TTC28: variants seen among roughly 807,000 people sequenced by gnomAD.
The protein encoded by TTC28 is tetratricopeptide repeat domain 28, also known as tetratricopeptide repeat protein 28.
In TTC28, 61 loss-of-function variants were observed where a neutral mutation model predicts 198.0. The observed-to-expected ratio is 0.31, with a 90% CI of 0.25 to 0.38. The LOEUF (loss-of-function observed/expected upper bound fraction) is 0.38. Ranked by LOEUF, TTC28 falls within the 10% of genes least tolerant of loss-of-function variation. The pLI, the probability that TTC28 is intolerant of heterozygous loss-of-function variation, is 1.00. For synonymous variants in TTC28, 1,171 were observed against 1,297.8 expected, an observed-to-expected ratio of 0.90 and a Z score of 2.10; for missense variants, 2,678 against 3,164.0, an observed-to-expected ratio of 0.85 and a Z score of 3.69.
intron 10 of TTC28, 131 bp from the exon 11 acceptor site, chr22:28,096,539 A>C: frequency 1.1e-6 from 1 of 935,968 alleles, no homozygotes; most frequent in Non-Finnish European, 1.6e-6. Flanking sequence ...ACAGAATCTC[A>C]GTCACACTGC....
chr22:28,669,744 G>T (rs938409116), intron 1 of TTC28, among the ~76,000 whole-genome samples: 1 of 152,024 alleles, frequency 6.6e-6, no homozygotes. Flanking sequence ...TCACAAAAAC[G>T]TTCTTATCTA....
chr22:28,167,911 T>C (rs996988093), intron 5 of TTC28, among the ~76,000 whole-genome samples: 1 of 152,204 alleles, frequency 6.6e-6, no homozygotes, highest in Non-Finnish European at 1.5e-5. Context: ...TGATTGTATA[T>C]CTAGAAAACC....
chr22:28,408,110 T>G (rs1430825876), intron 2 of TTC28, among the ~76,000 whole-genome samples: 2 of 152,138 alleles, frequency 1.3e-5, no homozygotes, highest in Non-Finnish European at 1.5e-5. Context: ...AGAGTAGACT[T>G]AATTAATAAG....
At chr22:28,353,685 A>T (rs146363990) in intron 2 of TTC28, among the ~76,000 whole-genome samples, 6 of 152,216 alleles carry the variant, frequency 3.9e-5, no homozygotes, top group Non-Finnish European at 7.3e-5. Context: ...CTTATACTAT[A>T]TATAAAAACT....
chr22:28,089,517 G>A (rs1454193804), intron 12 of TTC28, among the ~76,000 whole-genome samples: 1 of 150,796 alleles, frequency 6.6e-6, no homozygotes, highest in East Asian at 2.0e-4. Flanking sequence ...ACTGTTGTGG[G>A]GTGGGGGGAT....
At chr22:28,393,017 T>C (rs1307067689) in intron 2 of TTC28, among the ~76,000 whole-genome samples, 2 of 151,760 alleles carry the variant, frequency 1.3e-5, no homozygotes, top group African/African-American at 2.4e-5. Context: ...GCTGGGACCA[T>C]AGGTGCAAAC....
chr22:28,163,524 G>A lies in TTC28; in HGVS notation c.1009C>T (p.His337Tyr), dbSNP rs1406009593. Residue 337 changes from histidine (H) to tyrosine (Y), a missense_variant, in exon 6 of 23, where the codon CAC becomes TAC. This residue lies in a region of TTC28 where 775 missense variants were observed against 845.9 expected (regional missense o/e 0.92). Transcript: ENST00000397906. ...IGDYPNALAS[H>Y]KQCVLLAKQS... ...TTGGCAAGAAGAACACACTGTTTGT[G>A]ACTGGCCAGTGCATTGGGGTAGTCT... The A allele has an allele frequency of 6.4e-7, 1 of 1,551,632 alleles. No homozygotes were observed. Among genetic ancestry groups the A allele is most frequent in the Non-Finnish European group, 8.7e-7 (1 of 1,147,010 alleles).
At chr22:27,996,338 C>T (rs1298622306) in intron 16 of TTC28, 79 bp from the exon 17 acceptor site, 18 of 1,509,296 alleles carry the variant, frequency 1.2e-5, no homozygotes, top group Middle Eastern at 2.3e-4. Context: ...GGCTCACTTA[C>T]GCCTCGAGGT....
At chr22:28,628,797 G>T (rs181759710) in intron 2 of TTC28, among the ~76,000 whole-genome samples, 2 of 151,816 alleles carry the variant, frequency 1.3e-5, no homozygotes, top group African/African-American at 2.4e-5. Flanking sequence ...AAAATTAGCC[G>T]GGCATGATGG....
intron 2 of TTC28, among the ~76,000 whole-genome samples, chr22:28,479,745 C>T (rs1354954586): frequency 6.6e-6 from 1 of 152,022 alleles, no homozygotes; most frequent in Non-Finnish European, 1.5e-5. Flanking sequence ...TCTCTCTTCC[C>T]ATTCTCCCCT....
At chr22:27,984,789 G>T (rs1180250237) in intron 22 of TTC28, among the ~76,000 whole-genome samples, 1 of 152,198 alleles carries the variant, frequency 6.6e-6, no homozygotes, top group Non-Finnish European at 1.5e-5. Context: ...GACTCCGTTG[G>T]TTCCACCTGC....
chr22:28,360,529 T>C (rs575084848), intron 2 of TTC28, among the ~76,000 whole-genome samples: 1 of 152,184 alleles, frequency 6.6e-6, no homozygotes, highest in Non-Finnish European at 1.5e-5. Flanking sequence ...AAAAGCAAAG[T>C]ACAACATTCT....
chr22:28,334,834 C>A (rs938575522), intron 2 of TTC28, among the ~76,000 whole-genome samples: 2 of 151,864 alleles, frequency 1.3e-5, no homozygotes, highest in Non-Finnish European at 2.9e-5. Flanking sequence ...CTTTGCTATT[C>A]TTGTGCAGAA....
At chr22:27,988,903 A>G (rs1227533781) in intron 21 of TTC28, among the ~76,000 whole-genome samples, 1 of 152,094 alleles carries the variant, frequency 6.6e-6, no homozygotes, top group African/African-American at 2.4e-5. Context: ...TCCCTTAGAC[A>G]CTGTATTAGG....
chr22:28,458,006 A>G (rs997700090), intron 2 of TTC28, among the ~76,000 whole-genome samples: 5 of 152,126 alleles, frequency 3.3e-5, no homozygotes, highest in African/African-American at 9.7e-5. Flanking sequence ...TGCATATTAT[A>G]AATGTGTATC....
chr22:28,269,234 C>T (rs535488046), intron 5 of TTC28, among the ~76,000 whole-genome samples: 71 of 152,076 alleles, frequency 4.7e-4, no homozygotes, highest in Non-Finnish European at 8.4e-4. Flanking sequence ...ACTGTTGGGT[C>T]TCTGTGGTAT....
At position 28,562,525 on chromosome 22, in the gene TTC28, G is replaced by T. The variant is rs143759292; in HGVS notation, c.381+67027C>A. Among the ~76,000 whole-genome samples, 242 of 152,114 alleles carry T rather than the reference G, an allele frequency of 1.6e-3. 7 individuals carry two copies. The East Asian group carries it at 0.044, about 28-fold the overall frequency. On this transcript the variant is annotated intron_variant, in intron 2 of 22. Coordinates refer to ENST00000397906, the MANE Select transcript of TTC28 (RefSeq NM_001145418.2). ...CAGGGTGAAGAACCACCGTAGAAGT[G>T]AAACTAACACACAATAAGTAAACAA...
At chr22:28,085,461 T>C (rs1040910472) in intron 12 of TTC28, among the ~76,000 whole-genome samples, 11 of 152,162 alleles carry the variant, frequency 7.2e-5, no homozygotes, top group Admixed American at 6.5e-5. Flanking sequence ...AAGCAAATGC[T>C]GACAGATTTT....
At chr22:28,029,206 T>C (rs949167825) in intron 13 of TTC28, 1 of 434,810 alleles carries the variant, frequency 2.3e-6, no homozygotes, top group African/African-American at 2.0e-5. Context: ...TTTGGCCTCC[T>C]TACAACCAGG....
Sources: allele counts gnomAD v4.1 joint callset (sites outside exome capture counted in the v4.1 genomes callset), GRCh38; gene constraint gnomAD v4.1.1; regional missense constraint gnomAD v4.1.1; transcripts MANE v1.5; gene names NCBI Gene and HGNC (gene_info 2026-07-23, HGNC 2026-07-21).